SRRM4: variants seen among roughly 807,000 people sequenced by gnomAD.
SRRM4 encodes serine/arginine repetitive matrix protein 4.
SRRM4 carries 33 observed loss-of-function variants against 68.9 expected under a neutral mutation model. The ratio of observed to expected loss-of-function variants is 0.48; its 90% CI spans 0.36 to 0.64. SRRM4 has a LOEUF of 0.64. Ranked by LOEUF, SRRM4 falls within the 30% of genes least tolerant of loss-of-function variation. The pLI is 0.00. For missense variants in SRRM4, 817 were observed against 827.1 expected, an observed-to-expected ratio of 0.99 and a Z score of 0.15; for synonymous variants, 318 against 318.8, an observed-to-expected ratio of 1.00 and a Z score of 0.03.
chr12:119,082,235 A>G (rs1953953190), intron 1 of SRRM4, among the ~76,000 whole-genome samples: 1 of 152,134 alleles, frequency 6.6e-6, no homozygotes, highest in African/African-American at 2.4e-5. Context: ...CCCTCCACAA[A>G]GAGAAGTCCC....
At chr12:119,051,905 A>G (rs1953745353) in intron 1 of SRRM4, among the ~76,000 whole-genome samples, 1 of 152,222 alleles carries the variant, frequency 6.6e-6, no homozygotes, top group African/African-American at 2.4e-5. Context: ...TTCTGGGCCC[A>G]TCTGCACTTC....
intron 1 of SRRM4, among the ~76,000 whole-genome samples, chr12:119,076,151 A>C (rs61937985): frequency 8.8e-6 from 1 of 113,840 alleles, no homozygotes; most frequent in Non-Finnish European, 2.0e-5. Context: ...CAATGGGAAT[A>C]ATGATGATGA....
chr12:119,080,950 C>A (rs1171380751), intron 1 of SRRM4, among the ~76,000 whole-genome samples: 2 of 152,210 alleles, frequency 1.3e-5, no homozygotes, highest in African/African-American at 4.8e-5. Context: ...CAATCCGCAC[C>A]TTTCTTTCCT....
chr12:119,134,087 G>C (rs1427037931), intron 8 of SRRM4, among the ~76,000 whole-genome samples: 2 of 152,180 alleles, frequency 1.3e-5, no homozygotes, highest in Non-Finnish European at 2.9e-5. Context: ...AGGAGCCCAA[G>C]CATGAAGGAT....
chr12:119,087,992 T>C (rs1398271175), intron 1 of SRRM4, among the ~76,000 whole-genome samples: 2 of 152,172 alleles, frequency 1.3e-5, no homozygotes, highest in Non-Finnish European at 2.9e-5. Context: ...GTTTTAATTG[T>C]CTGATGAGGT....
At chr12:119,015,655 A>G (rs1206906442) in intron 1 of SRRM4, among the ~76,000 whole-genome samples, 1 of 152,074 alleles carries the variant, frequency 6.6e-6, no homozygotes, top group Non-Finnish European at 1.5e-5. Flanking sequence ...TTGATTGTAT[A>G]GATGCATCAT....
intron 1 of SRRM4, among the ~76,000 whole-genome samples, chr12:119,081,200 GATC>G (rs1479610216): frequency 2.6e-5 from 4 of 152,130 alleles, no homozygotes; most frequent in African/African-American, 9.7e-5. Flanking sequence ...ATATGTAAAT[GATC>G]ATATTATATT....
chr12:119,040,279 G>A (rs545686630), intron 1 of SRRM4, among the ~76,000 whole-genome samples: 6 of 152,192 alleles, frequency 3.9e-5, no homozygotes, highest in Admixed American at 2.0e-4. Context: ...TGATTTGTGA[G>A]ATCCTGGTGC....
At position 119,162,509 on chromosome 12, in the gene SRRM4, G is replaced by A. The variant is rs889896927; in HGVS notation, c.*5711G>A. 6.6e-6 allele frequency: 1 copy of A among 152,170 alleles called. No homozygotes were observed. The highest frequency in any genetic ancestry group is 2.4e-5 in the African/African-American group (1 of 41,430). The allele number at this position is 152,170 out of a possible 1,614,324, so 9.4% of individuals were successfully genotyped here. A position where few individuals can be genotyped will look rare whatever the true frequency, so the allele number is the denominator to read the frequency against. Reference sequence around the variant, plus strand: ...TAGGTCATATTGCCACTTTTCAGAGGAGAAAACTGAGGCTCAGGAGGGGGA... The same window carrying A: ...TAGGTCATATTGCCACTTTTCAGAGAAGAAAACTGAGGCTCAGGAGGGGGA... On this transcript the variant is annotated 3_prime_UTR_variant, in exon 13 of 13. Coordinates refer to ENST00000267260, the MANE Select transcript of SRRM4 (RefSeq NM_194286.4).
intron 1 of SRRM4, among the ~76,000 whole-genome samples, chr12:119,084,166 GC>G (rs1050852196): frequency 1.3e-4 from 20 of 152,178 alleles, no homozygotes; most frequent in African/African-American, 4.8e-4. Context: ...TTTGAACCCA[GC>G]CCTCTGAGAT....
intron 1 of SRRM4, among the ~76,000 whole-genome samples, chr12:119,068,768 C>G (rs943691623): frequency 1.3e-5 from 2 of 152,070 alleles, no homozygotes; most frequent in African/African-American, 4.8e-5. Flanking sequence ...TAAAAGCACA[C>G]TTGTTCCCAC....
At chr12:118,991,482 G>A (rs1953316492) in intron 1 of SRRM4, among the ~76,000 whole-genome samples, 1 of 152,114 alleles carries the variant, frequency 6.6e-6, no homozygotes, top group African/African-American at 2.4e-5. Context: ...ATGGATTTGG[G>A]CGATCATTGG....
chr12:119,010,568 C>G (rs987244037), intron 1 of SRRM4, among the ~76,000 whole-genome samples: 2 of 152,180 alleles, frequency 1.3e-5, no homozygotes, highest in African/African-American at 4.8e-5. Flanking sequence ...GCAAAGATAT[C>G]TGGGAATACG....
chr12:119,153,509 G>T, intron 10 of SRRM4, 30 bp from the exon 11 acceptor site: 6 of 1,450,810 alleles, frequency 4.1e-6, no homozygotes, highest in Non-Finnish European at 5.7e-6. Flanking sequence ...CACTCAGCAG[G>T]CTCCTCAGAG....
intron 1 of SRRM4, among the ~76,000 whole-genome samples, chr12:119,080,891 T>C (rs765026352): frequency 6.6e-6 from 1 of 152,174 alleles, no homozygotes; most frequent in Non-Finnish European, 1.5e-5. Flanking sequence ...CATAGCCCCA[T>C]GCATAAACCC....
intron 1 of SRRM4, among the ~76,000 whole-genome samples, chr12:119,065,087 T>C (rs909597919): frequency 5.3e-5 from 8 of 152,162 alleles, no homozygotes; most frequent in African/African-American, 1.9e-4. Context: ...CTATTAACAT[T>C]CTCATTTTCT....
At chr12:119,051,473 T>C (rs1592877433) in intron 1 of SRRM4, among the ~76,000 whole-genome samples, 1 of 152,180 alleles carries the variant, frequency 6.6e-6, no homozygotes, top group South Asian at 2.1e-4. Context: ...TTTTTCTTAG[T>C]TAAGGAAGAT....
At chr12:119,073,312 CT>C (rs71451813) in intron 1 of SRRM4, among the ~76,000 whole-genome samples, 15 of 103,124 alleles carry the variant, frequency 1.5e-4, no homozygotes, top group South Asian at 6.0e-4. Flanking sequence ...TCTCTCTCCT[CT>C]TTTTTTTTTT....
intron 8 of SRRM4, among the ~76,000 whole-genome samples, chr12:119,133,458 G>C (rs1430779733): frequency 1.3e-5 from 2 of 152,144 alleles, no homozygotes; most frequent in Non-Finnish European, 2.9e-5. Flanking sequence ...CTGCTTCCCA[G>C]ACCAATTTCT....
Sources: gnomAD v4.1 joint callset for allele counts (sites outside exome capture counted in the v4.1 genomes callset) on GRCh38, gnomAD v4.1.1 for gene constraint, MANE v1.5 for transcripts, NCBI Gene and HGNC (gene_info 2026-07-23, HGNC 2026-07-21) for gene names.